The following WRAP73 variants were observed in gnomAD, a reference collection of about 807,000 sequenced individuals.
WRAP73 encodes WD repeat-containing protein WRAP73.
A neutral mutation model predicts 59.6 loss-of-function variants in WRAP73; 55 were observed. The ratio of observed to expected loss-of-function variants is 0.92; its 90% confidence interval spans 0.74 to 1.15. WRAP73 has a LOEUF of 1.15. Among genes scored for constraint, WRAP73 ranks in the 50% most tolerant of loss-of-function variants. The pLI is 0.00. For missense variants in WRAP73, 592 were observed against 608.1 expected (o/e 0.97, Z 0.28); for synonymous variants, 265 against 258.2 (o/e 1.03, Z -0.25).
chr1:3,648,387 G>A (rs771379657), intron 1 of WRAP73, among the ~76,000 whole-genome samples: 6 of 152,186 alleles, frequency 3.9e-5, no homozygotes, highest in Admixed American at 6.5e-5. Context: ...TTTATGAACC[G>A]ATATCAAAAA....
rs1462590140 is a variant in WRAP73, at chr1:3,646,126, GCCA to G, written c.339+537_339+539del. On this transcript the variant is annotated intron_variant, in intron 3 of 11. Transcript: ENST00000270708. The surrounding 1 kb of genome is among the most constrained non-coding windows in gnomAD (Gnocchi z 5.1). ...TCCCTCCAACCCCGCCAATCTACCA[GCCA>G]CTCGGGAGCCACCTCAGTCATCAGA... 1.3e-5 allele frequency among the ~76,000 whole-genome samples: 2 copies of G among 152,110 alleles called. No individual in the cohort carries two copies. The highest frequency in any genetic ancestry group is 2.9e-5 in the Non-Finnish European group (2 of 68,024).
At chr1:3,642,788 AC>A (rs1243654522) in intron 3 of WRAP73, among the ~76,000 whole-genome samples, 1 of 151,288 alleles carries the variant, frequency 6.6e-6, no homozygotes, top group Admixed American at 6.6e-5. Context: ...ATGGATTCAG[AC>A]CCCACAGTGT....
chr1:3,636,761 T>A, intron 5 of WRAP73: 1 of 579,008 alleles, frequency 1.7e-6, no homozygotes, highest in Non-Finnish European at 3.2e-6. Context: ...AGGGCTCAAA[T>A]GTGACAGCAT....
chr1:3,631,889 T>G (rs1024214303), intron 10 of WRAP73: 111 of 1,327,362 alleles, frequency 8.4e-5, no homozygotes, highest in Middle Eastern at 2.8e-4. Context: ...TTTGGTATTT[T>G]TTTTTTTTTT....
chr1:3,635,396 A>C lies in WRAP73; in HGVS notation c.604-102T>G. On this transcript the variant is annotated intron_variant, in intron 6 of 11. Transcript: ENST00000270708. ...AGTGACATTGGTGCAGATAGCACAA[A>C]GCTGGCAGGACTGTCCGCGTGGCCG... is the stretch of plus-strand genomic sequence containing the variant. 2.0e-6 allele frequency: 3 copies of C among 1,517,632 alleles called. No individual in the cohort carries two copies. In the South Asian group the frequency reaches 3.7e-5, roughly 19 times the overall value. 94.0% of individuals were successfully genotyped at this position (1,517,632 alleles called of 1,614,324 possible). A position where few individuals can be genotyped will look rare whatever the true frequency, so the allele number is the denominator to read the frequency against.
rs1012785093 is a variant in WRAP73 at position 3,639,078 on chromosome 1, A to G, written c.340-256T>C. ...ATTGAGTGACACAAAGTTAAATCCA[A>G]GTGCTTTTTCATTAGCTTTTTCAAA... On this transcript the variant is annotated intron_variant, in intron 3 of 11. Coordinates refer to ENST00000270708, the MANE Select transcript of WRAP73 (RefSeq NM_017818.4). The surrounding 1 kb of genome is among the most constrained non-coding windows in gnomAD (Gnocchi z 4.3). The G allele has an allele frequency of 1.7e-5, 8 of 475,368 alleles. No homozygotes were observed. In the East Asian group the frequency reaches 3.0e-4, roughly 18 times the overall value. The allele number at this position is 475,368 out of a possible 1,614,324, so 29.4% of individuals were successfully genotyped here.
At chr1:3,632,923 C>G (rs1389253197) in intron 9 of WRAP73, 3 of 220,532 alleles carry the variant, frequency 1.4e-5, no homozygotes, top group African/African-American at 7.1e-5. Context: ...CTTCAGATGC[C>G]CTCATGCCCC....
At chr1:3,645,129 A>G (rs1458722980) in intron 3 of WRAP73, among the ~76,000 whole-genome samples, 1 of 152,232 alleles carries the variant, frequency 6.6e-6, no homozygotes, top group East Asian at 1.9e-4. Context: ...TCGAAACTGA[A>G]AAATATGTAA....
At chr1:3,647,991 T>C (rs1185463071) in intron 1 of WRAP73, among the ~76,000 whole-genome samples, 2 of 152,220 alleles carry the variant, frequency 1.3e-5, no homozygotes, top group African/African-American at 2.4e-5. Context: ...AATTGAGGCT[T>C]CACAGATGAC....
At chr1:3,634,925 AAAG>A (rs1644574801) in intron 8 of WRAP73, 69 bp downstream of exon 8, 1 of 1,543,054 alleles carries the variant, frequency 6.5e-7, no homozygotes, top group Non-Finnish European at 8.9e-7. Context: ...TCAAGAAAGC[AAAG>A]TGAAGGAGCA....
At chr1:3,644,958 C>T (rs547600393) in intron 3 of WRAP73, among the ~76,000 whole-genome samples, 9 of 152,322 alleles carry the variant, frequency 5.9e-5, no homozygotes, top group African/African-American at 1.4e-4. Context: ...CTGTTAGACA[C>T]GGCTGCGTGA....
At chr1:3,649,020 A>G (rs1000842452) in intron 1 of WRAP73, among the ~76,000 whole-genome samples, 6 of 152,224 alleles carry the variant, frequency 3.9e-5, no homozygotes. Flanking sequence ...ATCATGATAC[A>G]TCAGTCAGTT....
chr1:3,633,580 G>T, intron 8 of WRAP73, 77 bp from the exon 9 acceptor site: 1 of 1,147,668 alleles, frequency 8.7e-7, no homozygotes, highest in South Asian at 1.6e-5. Flanking sequence ...AAATGCCCAT[G>T]ACAGCGCATG....
chr1:3,640,231 G>C (rs1223598476), intron 3 of WRAP73, among the ~76,000 whole-genome samples: 1 of 152,234 alleles, frequency 6.6e-6, no homozygotes. Context: ...CAGCTGCACA[G>C]AGCACTTGCT....
intron 8 of WRAP73, 195 bp downstream of exon 8, chr1:3,634,802 C>A: frequency 1.4e-6 from 1 of 694,154 alleles, no homozygotes; most frequent in Non-Finnish European, 2.5e-6. Flanking sequence ...ACTTCAGACC[C>A]TTTGGGCAGC....
intron 3 of WRAP73, among the ~76,000 whole-genome samples, chr1:3,641,312 G>A (rs1644642082): frequency 6.6e-6 from 1 of 151,890 alleles, no homozygotes; most frequent in African/African-American, 2.4e-5. Context: ...GAGAGGAATG[G>A]GCCACGGATC....
chr1:3,639,944 T>C lies in WRAP73; in HGVS notation c.340-1122A>G, dbSNP rs1283580439. 2.0e-5 allele frequency among the ~76,000 whole-genome samples: 3 copies of C among 152,202 alleles called. No homozygotes were observed. Among genetic ancestry groups the C allele is most frequent in the African/African-American group, 7.2e-5 (3 of 41,448 alleles). On this transcript the variant is annotated intron_variant, in intron 3 of 11. Transcript: ENST00000270708. The surrounding 1 kb of genome is among the most constrained non-coding windows in gnomAD (Gnocchi z 4.3). ...CGTGTGGGGCACAGCATGTCCACAG[T>C]GTCACTCCTGCAAACGCTGCCAGGT...
At chr1:3,637,632 A>G (rs1644600772) in intron 4 of WRAP73, among the ~76,000 whole-genome samples, 1 of 152,220 alleles carries the variant, frequency 6.6e-6, no homozygotes. Flanking sequence ...GCTTGAGCCT[A>G]GGAATTTGAA....
In WRAP73 at chr1:3,646,957, C is replaced by A. The variant is rs1352867748; in HGVS notation, c.223-175G>T. On this transcript the variant is annotated intron_variant, in intron 2 of 11. Coordinates refer to ENST00000270708, the MANE Select transcript of WRAP73 (RefSeq NM_017818.4). The surrounding 1 kb of genome is among the most constrained non-coding windows in gnomAD (Gnocchi z 5.1). ...AACTCCCTTAAAACCAGCAGAGACC[C>A]GATCACACAGGGTGTCTTTTAGAAC... Among the ~76,000 whole-genome samples, 2 of 152,126 alleles carry A rather than the reference C, an allele frequency of 1.3e-5. No individual in the cohort carries two copies. The highest frequency in any genetic ancestry group is 2.4e-5 in the African/African-American group (1 of 41,412).
Sources: allele counts gnomAD v4.1 joint callset (sites outside exome capture counted in the v4.1 genomes callset), GRCh38; gene constraint gnomAD v4.1.1; non-coding constraint Gnocchi (gnomAD v3.1); transcripts MANE v1.5; gene names NCBI Gene and HGNC (gene_info 2026-07-23, HGNC 2026-07-21).